CELF1: variants seen among roughly 807,000 people sequenced by gnomAD.
The protein encoded by CELF1 is CUGBP Elav-like family member 1.
In CELF1, 10 loss-of-function variants were observed where a neutral mutation model predicts 61.8. The ratio of observed to expected loss-of-function variants is 0.16; its 90% confidence interval spans 0.10 to 0.27. The LOEUF (loss-of-function observed/expected upper bound fraction) is 0.27. Ranked by LOEUF, CELF1 falls within the 10% of genes least tolerant of loss-of-function variation. The pLI is 1.00. For missense variants in CELF1, 380 were observed against 639.1 expected, an observed-to-expected ratio of 0.59 and a Z score of 4.37; for synonymous variants, 236 against 225.1, an observed-to-expected ratio of 1.05 and a Z score of -0.43.
At chr11:47,558,870 T>C (rs2097216956) in intron 2 of CELF1, among the ~76,000 whole-genome samples, 1 of 131,790 alleles carries the variant, frequency 7.6e-6, no homozygotes, top group Non-Finnish European at 1.6e-5. Flanking sequence ...TATAATATAA[T>C]GTATATATAA....
intron 1 of CELF1, among the ~76,000 whole-genome samples, chr11:47,514,504 C>G (rs2095437093): frequency 6.6e-6 from 1 of 152,028 alleles, no homozygotes; most frequent in Non-Finnish European, 1.5e-5. Flanking sequence ...ACCTGAGAGA[C>G]ACCCTATTTT....
chr11:47,493,383 C>T (rs968253539), intron 3 of CELF1, among the ~76,000 whole-genome samples: 1 of 151,150 alleles, frequency 6.6e-6, no homozygotes, highest in Non-Finnish European at 1.5e-5. Flanking sequence ...TGGCACACAC[C>T]TGTAGTCCCA....
intron 1 of CELF1, among the ~76,000 whole-genome samples, chr11:47,519,055 G>C (rs936801594): frequency 2.6e-5 from 4 of 152,170 alleles, no homozygotes; most frequent in African/African-American, 9.7e-5. Flanking sequence ...GACACTTCCT[G>C]AGACAGTTAG....
chr11:47,483,629 C>G (rs2084799272), intron 7 of CELF1, 97 bp from the exon 8 acceptor site: 1 of 842,006 alleles, frequency 1.2e-6, no homozygotes, highest in South Asian at 1.4e-5. Context: ...GCTAGCAATA[C>G]AGACACAGTC....
intron 1 of CELF1, among the ~76,000 whole-genome samples, chr11:47,531,881 C>T (rs1156696928): frequency 6.6e-6 from 1 of 152,148 alleles, no homozygotes; most frequent in African/African-American, 2.4e-5. Flanking sequence ...CCAAATATGG[C>T]ATTATCTTTT....
intron 1 of CELF1, among the ~76,000 whole-genome samples, chr11:47,525,236 T>C (rs2096175743): frequency 6.6e-6 from 1 of 152,250 alleles, no homozygotes; most frequent in African/African-American, 2.4e-5. Flanking sequence ...TAAACTCTAA[T>C]ATAATTTTTA....
chr11:47,511,918 G>A (rs1157277838), intron 1 of CELF1, among the ~76,000 whole-genome samples: 2 of 151,750 alleles, frequency 1.3e-5, no homozygotes, highest in South Asian at 2.1e-4. Context: ...GCATGATCTC[G>A]ACTCACTGCA....
At chr11:47,526,336 A>G (rs767871968) in intron 1 of CELF1, among the ~76,000 whole-genome samples, 1 of 152,182 alleles carries the variant, frequency 6.6e-6, no homozygotes, top group African/African-American at 2.4e-5. Context: ...AGAAAAAAAG[A>G]AGGCACCTGC....
intron 10 of CELF1, chr11:47,477,631 T>C: frequency 1.9e-6 from 1 of 513,724 alleles, no homozygotes; most frequent in African/African-American, 1.9e-5. Flanking sequence ...AGAGAAGAGA[T>C]GGCTAATCCA....
intron 3 of CELF1, among the ~76,000 whole-genome samples, chr11:47,489,935 G>GTTTTTTTTTTTTTTTGTTTTTTT (rs2090305885): frequency 4.1e-5 from 2 of 48,226 alleles, no homozygotes; most frequent in African/African-American, 7.8e-5. Context: ...ATACCATCTT[G>GTTTTTTTTTTTTTTTGTTTTTTT]TTTTTTTTTT....
chr11:47,556,578 G>A (rs1397337585), upstream of CELF1, among the ~76,000 whole-genome samples: 2 of 151,910 alleles, frequency 1.3e-5, no homozygotes, highest in African/African-American at 4.8e-5. Flanking sequence ...AAATATAGAG[G>A]AAATGATGAT....
chr11:47,472,425 G>A, intron 14 of CELF1, 68 bp from the exon 15 acceptor site: 1 of 1,539,814 alleles, frequency 6.5e-7, no homozygotes, highest in South Asian at 1.1e-5. Context: ...TCCTCCTTAT[G>A]CAAGATACCT....
chr11:47,555,349 C>T (rs2097202790), upstream of CELF1, among the ~76,000 whole-genome samples: 1 of 139,078 alleles, frequency 7.2e-6, no homozygotes, highest in Non-Finnish European at 1.5e-5. Flanking sequence ...CTCCTAATAT[C>T]TCCATTGCTT....
intron 14 of CELF1, 43 bp downstream of exon 14, chr11:47,473,045 A>T: frequency 6.3e-7 from 1 of 1,593,274 alleles, no homozygotes; most frequent in South Asian, 1.1e-5. Flanking sequence ...TCTCAGTGGT[A>T]AAATACTAAT....
chr11:47,476,843 T>A lies in CELF1; in HGVS notation c.1087+3A>T. ...CTGATGACAGCCAGGTGCTGCCCCTTACCTGCCAAAGAGCCAACATTGAGG... is the reference window on the plus strand; with the variant it reads ...CTGATGACAGCCAGGTGCTGCCCCTAACCTGCCAAAGAGCCAACATTGAGG... On this transcript the variant is annotated splice_donor_region_variant and intron_variant, in intron 12 of 14. Transcript: ENST00000687097. 1 of 1,610,426 alleles carries A rather than the reference T, an allele frequency of 6.2e-7. No individual in the cohort carries two copies. The highest frequency in any genetic ancestry group is 8.5e-7 in the Non-Finnish European group (1 of 1,176,628).
At chr11:47,481,080 G>GTTTTTTT (rs1565765909) in intron 9 of CELF1, among the ~76,000 whole-genome samples, 1 of 124,902 alleles carries the variant, frequency 8.0e-6, no homozygotes. Flanking sequence ...GATAAACTGG[G>GTTTTTTT]GTTTTTTTTT....
chr11:47,531,786 G>A (rs189241719), intron 1 of CELF1, among the ~76,000 whole-genome samples: 32 of 152,158 alleles, frequency 2.1e-4, no homozygotes, highest in South Asian at 2.1e-4. Flanking sequence ...ATCTCCTCTC[G>A]TTAAGCACAT....
chr11:47,478,005 G>C (rs2153406999), intron 10 of CELF1, among the ~76,000 whole-genome samples: 1 of 152,144 alleles, frequency 6.6e-6, no homozygotes, highest in South Asian at 2.1e-4. Flanking sequence ...CAACACAGTT[G>C]AAAGGGGAAG....
intron 3 of CELF1, chr11:47,496,037 C>G: frequency 1.0e-6 from 1 of 983,692 alleles, no homozygotes; most frequent in Non-Finnish European, 1.2e-6. Flanking sequence ...GGCTCACATA[C>G]AGTGCTGTGG....
Sources: gnomAD v4.1 joint callset for allele counts (sites outside exome capture counted in the v4.1 genomes callset) on GRCh38, gnomAD v4.1.1 for gene constraint, MANE v1.5 for transcripts, NCBI Gene and HGNC (gene_info 2026-07-23, HGNC 2026-07-21) for gene names.